Variants in PTPRD observed in about 807,000 individuals in gnomAD.
The protein encoded by PTPRD is receptor-type tyrosine-protein phosphatase delta.
A neutral mutation model predicts 214.5 loss-of-function variants in PTPRD; 34 were observed. That is an observed-to-expected ratio of 0.16 (90% confidence interval 0.12 to 0.21). The LOEUF is 0.21. Ranked by LOEUF, PTPRD falls within the 10% of genes least tolerant of loss-of-function variation. The pLI is 1.00. For synonymous variants in PTPRD, 1,128 were observed against 845.7 expected (o/e 1.33, Z -5.79); for missense variants, 2,545 against 2,398.7 (o/e 1.06, Z -1.27).
chr9:10,511,930 ACGTGTATATATATATACGTG>A (rs1566639640), intron 2 of PTPRD, among the ~76,000 whole-genome samples: 2 of 82,234 alleles, frequency 2.4e-5, no homozygotes, highest in Non-Finnish European at 5.5e-5. Flanking sequence ...ATATATATAT[ACGTGTATATATATATACGTG>A]TGTGTATATA....
intron 7 of PTPRD, among the ~76,000 whole-genome samples, chr9:9,588,710 A>C (rs1253358934): frequency 6.6e-6 from 1 of 151,986 alleles, no homozygotes; most frequent in Non-Finnish European, 1.5e-5. Context: ...TGAATTGTTA[A>C]TTAGAGAAAA....
intron 11 of PTPRD, among the ~76,000 whole-genome samples, chr9:8,818,860 T>C (rs1025251289): frequency 2.0e-5 from 3 of 152,182 alleles, no homozygotes; most frequent in African/African-American, 4.8e-5. Context: ...TCTGAACACA[T>C]AGCTGTTTGT....
chr9:9,921,844 C>T (rs1331658327), intron 5 of PTPRD, among the ~76,000 whole-genome samples: 7 of 151,742 alleles, frequency 4.6e-5, no homozygotes, highest in Non-Finnish European at 8.8e-5. Context: ...ATTCATTTAG[C>T]AACCATAACA....
chr9:10,562,862 A>T (rs2064407217), intron 2 of PTPRD, among the ~76,000 whole-genome samples: 1 of 152,166 alleles, frequency 6.6e-6, no homozygotes, highest in African/African-American at 2.4e-5. Flanking sequence ...CTTGATTTAT[A>T]TCATGCTTTG....
chr9:10,362,126 T>C (rs1015390824), intron 2 of PTPRD, among the ~76,000 whole-genome samples: 6 of 152,132 alleles, frequency 3.9e-5, no homozygotes, highest in African/African-American at 1.4e-4. Flanking sequence ...GCTGATTTCA[T>C]AAGAAAATTT....
intron 3 of PTPRD, among the ~76,000 whole-genome samples, chr9:10,204,601 A>AT (rs1594117867): frequency 6.6e-6 from 1 of 152,050 alleles, no homozygotes; most frequent in Non-Finnish European, 1.5e-5. Context: ...TTTAGACTCA[A>AT]TTTTTTCAAG....
chr9:8,734,866 G>C (rs1202034471), intron 11 of PTPRD, among the ~76,000 whole-genome samples: 1 of 152,212 alleles, frequency 6.6e-6, no homozygotes, highest in Non-Finnish European at 1.5e-5. Context: ...CATGGAAATA[G>C]TGTCTCAAAC....
At chr9:9,410,734 C>G (rs1287098486) in intron 8 of PTPRD, among the ~76,000 whole-genome samples, 1 of 152,178 alleles carries the variant, frequency 6.6e-6, no homozygotes, top group Non-Finnish European at 1.5e-5. Flanking sequence ...TATTTATACA[C>G]ACTTACCCTA....
At chr9:10,408,600 G>C (rs948435414) in intron 2 of PTPRD, among the ~76,000 whole-genome samples, 9 of 151,512 alleles carry the variant, frequency 5.9e-5, no homozygotes, top group Non-Finnish European at 8.9e-5. Context: ...TTCTAGCTTT[G>C]CCAGATAATA....
intron 3 of PTPRD, among the ~76,000 whole-genome samples, chr9:10,193,968 T>C (rs1224087704): frequency 7.9e-5 from 12 of 152,068 alleles, no homozygotes. Context: ...TGCTCAAAGT[T>C]AGAACAAAGA....
At position 8,713,846 on chromosome 9, in the gene PTPRD, A is replaced by T. The variant is rs1189954146; in HGVS notation, c.64+19934T>A. 3.5e-6 allele frequency: 5 copies of T among 1,426,360 alleles called. No individual in the cohort carries two copies. In the African/African-American group the frequency reaches 4.2e-5, roughly 12 times the overall value. The allele number at this position is 1,426,360 out of a possible 1,614,324, so 88.4% of individuals were successfully genotyped here. A position where few individuals can be genotyped will look rare whatever the true frequency, so the allele number is the denominator to read the frequency against. On this transcript the variant is annotated intron_variant, in intron 12 of 45. Coordinates refer to ENST00000381196, the MANE Select transcript of PTPRD (RefSeq NM_002839.4). ...AGGCCCAACACCTTCTTCTAGGTGC[A>T]GGGCCCTCGCCCGGGTGCGCCCCAA...
intron 8 of PTPRD, among the ~76,000 whole-genome samples, chr9:9,406,736 G>C (rs917467101): frequency 3.3e-5 from 5 of 151,738 alleles, no homozygotes; most frequent in Non-Finnish European, 5.9e-5. Flanking sequence ...CTTGAGGAAA[G>C]AGTCTGTGGG....
intron 2 of PTPRD, among the ~76,000 whole-genome samples, chr9:10,466,623 C>CAAAAAAAAAA (rs66705572): frequency 2.0e-4 from 15 of 76,874 alleles, no homozygotes; most frequent in African/African-American, 8.1e-4. Flanking sequence ...AACTCCAACT[C>CAAAAAAAAAA]AAAAAAAAAA....
chr9:10,004,138 C>T (rs544264848), intron 4 of PTPRD, among the ~76,000 whole-genome samples: 1 of 151,350 alleles, frequency 6.6e-6, no homozygotes, highest in East Asian at 1.9e-4. Flanking sequence ...AATATATAGC[C>T]CCTGACATAG....
intron 11 of PTPRD, among the ~76,000 whole-genome samples, chr9:8,892,595 GTA>G (rs1218017925): frequency 1.1e-4 from 16 of 148,760 alleles, no homozygotes; most frequent in South Asian, 2.1e-4. Flanking sequence ...ATATATATGT[GTA>G]TATATATGTG....
chr9:8,440,319 A>T (rs1054570658), intron 34 of PTPRD, among the ~76,000 whole-genome samples: 3 of 146,038 alleles, frequency 2.1e-5, no homozygotes, highest in South Asian at 2.2e-4. Flanking sequence ...GAAATGTATT[A>T]TTTTTTTTTT....
At chr9:8,371,403 A>G (rs12005816) in intron 39 of PTPRD, among the ~76,000 whole-genome samples, 7,118 of 152,110 alleles carry the variant, frequency 0.047, 428 homozygotes, top group African/African-American at 0.14. Context: ...TACATAAGCC[A>G]TGACTCATGC....
intron 39 of PTPRD, among the ~76,000 whole-genome samples, chr9:8,375,235 A>G (rs997572425): frequency 2.0e-5 from 3 of 152,016 alleles, no homozygotes; most frequent in Non-Finnish European, 4.4e-5. Context: ...GGAAGAAATC[A>G]GCTTAATATT....
At position 8,317,799 on chromosome 9, in the gene PTPRD, G is replaced by T; in HGVS notation, c.*75C>A. ...AGAAGTTAAGAAGGACTTCTCAAGT[G>T]CCCTGTATGGCTCAGAAGAGACTCC... On this transcript the variant is annotated 3_prime_UTR_variant, in exon 46 of 46. Coordinates refer to ENST00000381196, the MANE Select transcript of PTPRD (RefSeq NM_002839.4). 1 of 1,341,692 alleles carries T rather than the reference G, an allele frequency of 7.5e-7. No individual in the cohort carries two copies. The highest frequency in any genetic ancestry group is 1.1e-6 in the Non-Finnish European group (1 of 935,936). 83.1% of individuals were successfully genotyped at this position (1,341,692 alleles called of 1,614,324 possible).
Sources: allele counts gnomAD v4.1 joint callset (sites outside exome capture counted in the v4.1 genomes callset), GRCh38; gene constraint gnomAD v4.1.1; transcripts MANE v1.5; gene names NCBI Gene and HGNC (gene_info 2026-07-23, HGNC 2026-07-21).